The following SPAG16 variants were observed in gnomAD, a reference collection of about 807,000 sequenced individuals.
SPAG16 encodes the protein sperm-associated antigen 16 protein.
A neutral mutation model predicts 80.4 loss-of-function variants in SPAG16; 86 were observed. The observed-to-expected ratio is 1.07, with a 90% CI of 0.90 to 1.28. The LOEUF (loss-of-function observed/expected upper bound fraction) is 1.28. SPAG16 is among the 50% of genes most tolerant of loss of function. The pLI is 0.00. For synonymous variants in SPAG16, 294 were observed against 265.9 expected (o/e 1.11, Z -1.03); for missense variants, 870 against 765.3 (o/e 1.14, Z -1.61).
At chr2:214,070,656 A>T (rs923576300) in intron 13 of SPAG16, among the ~76,000 whole-genome samples, 1 of 152,058 alleles carries the variant, frequency 6.6e-6, no homozygotes, top group Non-Finnish European at 1.5e-5. Context: ...AGCTGATCAT[A>T]TAGATTCCCT....
At chr2:214,349,640 T>A (rs922235803) in intron 15 of SPAG16, among the ~76,000 whole-genome samples, 1 of 152,218 alleles carries the variant, frequency 6.6e-6, no homozygotes, top group African/African-American at 2.4e-5. Context: ...TAAGTTTTAG[T>A]TTTATAAGAA....
At chr2:213,310,445 T>C (rs56414504) in intron 4 of SPAG16, among the ~76,000 whole-genome samples, 37 of 151,938 alleles carry the variant, frequency 2.4e-4, no homozygotes, top group Non-Finnish European at 4.9e-4. Context: ...AAGTAATTTT[T>C]AAAAAATCAA....
chr2:214,096,562 T>C (rs3213782), intron 13 of SPAG16, among the ~76,000 whole-genome samples: 14,259 of 152,128 alleles, frequency 0.094, 837 homozygotes, highest in East Asian at 0.29. Context: ...GGAGCGTTTT[T>C]TTAAACACTC....
intron 4 of SPAG16, among the ~76,000 whole-genome samples, chr2:213,312,223 A>G (rs2063217178): frequency 6.6e-6 from 1 of 151,722 alleles, no homozygotes; most frequent in Non-Finnish European, 1.5e-5. Context: ...AAGAGTTGCC[A>G]GAACATAGTA....
chr2:214,108,473 ACACACACCCC>A (rs1177319458), intron 14 of SPAG16, among the ~76,000 whole-genome samples: 46 of 87,524 alleles, frequency 5.3e-4, no homozygotes, highest in Middle Eastern at 6.3e-3. Flanking sequence ...ACACACACAC[ACACACACCCC>A]CACACACACC....
At chr2:213,666,995 G>A (rs1169998633) in intron 10 of SPAG16, among the ~76,000 whole-genome samples, 3 of 152,202 alleles carry the variant, frequency 2.0e-5, no homozygotes, top group Non-Finnish European at 4.4e-5. Context: ...GAAATGTATT[G>A]ATACTCACTT....
intron 10 of SPAG16, among the ~76,000 whole-genome samples, chr2:213,513,690 A>C (rs1365179824): frequency 6.6e-6 from 1 of 152,234 alleles, no homozygotes; most frequent in African/African-American, 2.4e-5. Flanking sequence ...AATGTGTGCT[A>C]AAGTTAAAGC....
At chr2:213,375,319 A>G (rs1260190833) in intron 9 of SPAG16, 200 bp downstream of exon 9, 3 of 409,618 alleles carry the variant, frequency 7.3e-6, no homozygotes, top group Non-Finnish European at 1.3e-5. Flanking sequence ...GCTTATTAGT[A>G]GCAGAGACAG....
intron 10 of SPAG16, among the ~76,000 whole-genome samples, chr2:213,852,854 A>C (rs980017865): frequency 1.3e-5 from 2 of 152,198 alleles, no homozygotes; most frequent in African/African-American, 4.8e-5. Flanking sequence ...TAGGCTATAA[A>C]CACATATTTG....
intron 10 of SPAG16, among the ~76,000 whole-genome samples, chr2:213,593,744 ATCTTTTTTTTTTTTTT>A (rs2060786503): frequency 1.6e-5 from 1 of 60,692 alleles, no homozygotes; most frequent in South Asian, 6.1e-4. Flanking sequence ...TCCCCACCAC[ATCTTTTTTTTTTTTTT>A]TTTTTTTTTT....
chr2:213,429,489 C>T (rs1418756130), intron 9 of SPAG16, among the ~76,000 whole-genome samples: 3 of 152,202 alleles, frequency 2.0e-5, no homozygotes, highest in Non-Finnish European at 4.4e-5. Context: ...ATTGCTATCA[C>T]CACAGAGAGA....
At chr2:213,455,801 T>C (rs542626536) in intron 9 of SPAG16, among the ~76,000 whole-genome samples, 1 of 152,324 alleles carries the variant, frequency 6.6e-6, no homozygotes, top group African/African-American at 2.4e-5. Flanking sequence ...CCTCCTGTTG[T>C]GTGGCCTGGT....
chr2:213,364,176 T>C, intron 8 of SPAG16, 31 bp downstream of exon 8: 1 of 1,343,238 alleles, frequency 7.4e-7, no homozygotes, highest in African/African-American at 1.5e-5. Flanking sequence ...AGCTCTCATT[T>C]AATATAGTTT....
intron 15 of SPAG16, among the ~76,000 whole-genome samples, chr2:214,280,360 T>C (rs547768443): frequency 1.3e-5 from 2 of 152,296 alleles, no homozygotes; most frequent in Admixed American, 6.5e-5. Flanking sequence ...ACTGAAGAAA[T>C]TTTCAAGCTT....
intron 10 of SPAG16, among the ~76,000 whole-genome samples, chr2:213,728,340 C>T (rs948482166): frequency 6.6e-6 from 1 of 152,110 alleles, no homozygotes; most frequent in Non-Finnish European, 1.5e-5. Flanking sequence ...TACCTTTCTG[C>T]AGTCAGGGGA....
chr2:213,871,592 G>A (rs1168902118), intron 11 of SPAG16, among the ~76,000 whole-genome samples: 1 of 151,876 alleles, frequency 6.6e-6, no homozygotes, highest in Non-Finnish European at 1.5e-5. Context: ...TCTTGCATCT[G>A]GTTGACCTCA....
chr2:213,911,319 A>T (rs1336933830), intron 11 of SPAG16, among the ~76,000 whole-genome samples: 1 of 151,766 alleles, frequency 6.6e-6, no homozygotes, highest in Admixed American at 6.6e-5. Context: ...TAATTTTTGT[A>T]TTTTTTCTAG....
At chr2:214,173,197 C>T (rs575245271) in intron 15 of SPAG16, among the ~76,000 whole-genome samples, 159 of 152,126 alleles carry the variant, frequency 1.0e-3, no homozygotes, top group African/African-American at 3.4e-3. Flanking sequence ...AATGGTAATG[C>T]GTAGGTTTTC....
chr2:213,399,627 G>C (rs1024686529), intron 9 of SPAG16, among the ~76,000 whole-genome samples: 1 of 151,808 alleles, frequency 6.6e-6, no homozygotes, highest in African/African-American at 2.4e-5. Context: ...TAATTTTCCT[G>C]TTCAGTCACT....
Sources: gnomAD v4.1 joint callset for allele counts (sites outside exome capture counted in the v4.1 genomes callset) on GRCh38, gnomAD v4.1.1 for gene constraint, MANE v1.5 for transcripts, NCBI Gene and HGNC (gene_info 2026-07-23, HGNC 2026-07-21) for gene names.